Variants in DACH1 observed in about 807,000 individuals in gnomAD.
The protein encoded by DACH1 is dachshund homolog 1.
A neutral mutation model predicts 54.2 loss-of-function variants in DACH1; 12 were observed. That is an observed-to-expected ratio of 0.22 (90% CI 0.14 to 0.36). DACH1 has a LOEUF of 0.36. Among genes scored for constraint, DACH1 ranks in the 10% least tolerant of loss-of-function variants. The probability of loss-of-function intolerance (pLI) is 1.00; values close to 1 mark genes in which losing one functional copy is unlikely to be tolerated. For synonymous variants in DACH1, 386 were observed against 366.2 expected, an observed-to-expected ratio of 1.05 and a Z score of -0.62; for missense variants, 805 against 929.8, an observed-to-expected ratio of 0.87 and a Z score of 1.75.
Position 71,645,563 on chromosome 13 carries a change from C to T in DACH1, c.965-14846G>A, listed in dbSNP as rs111479657. The stretch of plus-strand genomic sequence containing the variant: ...GTTCCATTAATCAGATTTTTATGGG[C>T]TTGGGAAAGTTGTGCTACAGTACAC... On this transcript the variant is annotated intron_variant, in intron 2 of 10. Transcript: ENST00000613252. 3.6e-4 allele frequency among the ~76,000 whole-genome samples: 55 copies of T among 152,158 alleles called. 1 individual carries two copies. The highest frequency in any genetic ancestry group is 1.3e-3 in the African/African-American group (53 of 41,530).
At chr13:71,699,978 G>A (rs1882032264) in intron 1 of DACH1, among the ~76,000 whole-genome samples, 1 of 152,138 alleles carries the variant, frequency 6.6e-6, no homozygotes, top group South Asian at 2.1e-4. Flanking sequence ...GCTTAAAACA[G>A]TTAATTACAC....
intron 1 of DACH1, among the ~76,000 whole-genome samples, chr13:71,735,077 T>TACGTATAGGTTATACATATATGGGATAC (rs1883956758): frequency 2.9e-5 from 1 of 34,898 alleles, no homozygotes. Context: ...ATATGGGATA[T>TACGTATAGGTTATACATATATGGGATAC]ACGTATATGG....
At chr13:71,589,974 G>A (rs925603081) in intron 3 of DACH1, among the ~76,000 whole-genome samples, 12 of 151,916 alleles carry the variant, frequency 7.9e-5, no homozygotes, top group East Asian at 1.9e-4. Context: ...CTATACCTAC[G>A]GGGCTGTAAA....
At chr13:71,496,531 T>G (rs571363891) in intron 6 of DACH1, among the ~76,000 whole-genome samples, 14 of 151,548 alleles carry the variant, frequency 9.2e-5, no homozygotes, top group Middle Eastern at 3.4e-3. Flanking sequence ...GGACATAGAG[T>G]GTAGACTGAT....
chr13:71,532,912 G>A (rs1374053909), intron 6 of DACH1, among the ~76,000 whole-genome samples: 2 of 151,884 alleles, frequency 1.3e-5, no homozygotes, highest in Admixed American at 1.3e-4. Context: ...TTTAAATAAT[G>A]ATAAGAATAT....
intron 10 of DACH1, among the ~76,000 whole-genome samples, chr13:71,466,776 G>C (rs1360850569): frequency 1.4e-5 from 2 of 147,490 alleles, no homozygotes; most frequent in Non-Finnish European, 3.0e-5. Flanking sequence ...AGACTGGAAA[G>C]TTGAGGATGC....
chr13:71,652,594 C>T (rs1296129845), intron 2 of DACH1, among the ~76,000 whole-genome samples: 2 of 152,232 alleles, frequency 1.3e-5, no homozygotes, highest in South Asian at 2.1e-4. Context: ...ATAGTTTAAA[C>T]ACCATCACAA....
intron 2 of DACH1, among the ~76,000 whole-genome samples, chr13:71,638,629 G>C (rs1877674008): frequency 6.6e-6 from 1 of 152,000 alleles, no homozygotes; most frequent in African/African-American, 2.4e-5. Context: ...GTTTACTTCT[G>C]TTGAACTAGA....
At chr13:71,543,231 T>C (rs1420849910) in intron 6 of DACH1, among the ~76,000 whole-genome samples, 2 of 152,046 alleles carry the variant, frequency 1.3e-5, no homozygotes, top group African/African-American at 4.8e-5. Context: ...AAAAGGAAAA[T>C]GTAATTGCAT....
At chr13:71,446,086 C>T (rs1310590698) in intron 10 of DACH1, among the ~76,000 whole-genome samples, 1 of 152,076 alleles carries the variant, frequency 6.6e-6, no homozygotes, top group African/African-American at 2.4e-5. Context: ...TATTGGAATC[C>T]CTGGAGTGCG....
At chr13:71,607,341 A>T (rs1034093799) in intron 3 of DACH1, among the ~76,000 whole-genome samples, 1 of 152,060 alleles carries the variant, frequency 6.6e-6, no homozygotes, top group African/African-American at 2.4e-5. Context: ...TGTATAAAAC[A>T]TTCTACCTTA....
chr13:71,683,371 A>T (rs1285491621), intron 1 of DACH1, among the ~76,000 whole-genome samples: 5 of 152,178 alleles, frequency 3.3e-5, no homozygotes, highest in African/African-American at 1.2e-4. Flanking sequence ...GACAATTCTG[A>T]AGAAGAATTA....
intron 6 of DACH1, among the ~76,000 whole-genome samples, chr13:71,517,351 A>C (rs1376661787): frequency 6.6e-6 from 1 of 151,916 alleles, no homozygotes; most frequent in Non-Finnish European, 1.5e-5. Context: ...CTCAACTGCC[A>C]CTTTTTGGCT....
intron 5 of DACH1, among the ~76,000 whole-genome samples, chr13:71,558,709 G>T (rs932354300): frequency 6.6e-6 from 1 of 151,746 alleles, no homozygotes; most frequent in African/African-American, 2.4e-5. Flanking sequence ...ATACGTTTCC[G>T]GCAGGCCAAA....
chr13:71,699,362 CA>C (rs1476884773), intron 1 of DACH1, among the ~76,000 whole-genome samples: 1 of 152,174 alleles, frequency 6.6e-6, no homozygotes. Flanking sequence ...AATTGTATTT[CA>C]TTTTTTGGTA....
intron 1 of DACH1, among the ~76,000 whole-genome samples, chr13:71,743,617 T>C (rs1197338075): frequency 5.9e-5 from 9 of 152,228 alleles, no homozygotes; most frequent in Admixed American, 5.9e-4. Flanking sequence ...ATTTGGAGAA[T>C]ATCCTATGCC....
chr13:71,565,605 T>C (rs1884851419), intron 4 of DACH1, among the ~76,000 whole-genome samples: 1 of 152,124 alleles, frequency 6.6e-6, no homozygotes, highest in Non-Finnish European at 1.5e-5. Flanking sequence ...TGCTTACACC[T>C]AGTTGAGGAC....
chr13:71,759,044 T>G (rs1237367845), intron 1 of DACH1, among the ~76,000 whole-genome samples: 4 of 152,052 alleles, frequency 2.6e-5, no homozygotes, highest in African/African-American at 9.7e-5. Context: ...ATTTCCCAAG[T>G]CCATTATCTT....
At chr13:71,540,107 G>T (rs553905261) in intron 6 of DACH1, among the ~76,000 whole-genome samples, 1 of 151,616 alleles carries the variant, frequency 6.6e-6, no homozygotes, top group East Asian at 1.9e-4. Flanking sequence ...AAATTCACTA[G>T]ATAATATAAT....
Sources: gnomAD v4.1 joint callset for allele counts (sites outside exome capture counted in the v4.1 genomes callset) on GRCh38, gnomAD v4.1.1 for gene constraint, MANE v1.5 for transcripts, NCBI Gene and HGNC (gene_info 2026-07-23, HGNC 2026-07-21) for gene names.